Variants in FOXN4 observed in about 807,000 individuals in gnomAD.
The protein encoded by FOXN4 is forkhead box protein N4.
In FOXN4, 12 loss-of-function variants were observed where a neutral mutation model predicts 45.0. The ratio of observed to expected loss-of-function variants is 0.27; its 90% CI spans 0.17 to 0.43. The LOEUF (loss-of-function observed/expected upper bound fraction) is 0.43, where lower values mean the gene tolerates loss of function less well. Ranked by LOEUF, FOXN4 falls within the 20% of genes least tolerant of loss-of-function variation. The pLI, the probability that FOXN4 is intolerant of heterozygous loss-of-function variation, is 1.00. For missense variants in FOXN4, 560 were observed against 694.9 expected (o/e 0.81, Z 2.18); for synonymous variants, 297 against 295.0 (o/e 1.01, Z -0.07).
intron 8 of FOXN4, 121 bp from the exon 9 acceptor site, chr12:109,281,920 C>G: frequency 8.5e-7 from 1 of 1,180,894 alleles, no homozygotes; most frequent in Non-Finnish European, 1.2e-6. Flanking sequence ...CTTGGACACT[C>G]AGAACCTCTG....
chr12:109,281,328 T>C, intron 9 of FOXN4, 79 bp downstream of exon 9: 1 of 1,536,262 alleles, frequency 6.5e-7, no homozygotes, highest in Non-Finnish European at 8.9e-7. Flanking sequence ...GGCAGTACAG[T>C]CCTCTCCCTC....
At chr12:109,281,836 C>T (rs1470562839) in intron 8 of FOXN4, 37 bp from the exon 9 acceptor site, 1 of 1,518,162 alleles carries the variant, frequency 6.6e-7, no homozygotes, top group East Asian at 2.3e-5. Context: ...AGAACCCACC[C>T]AGCAGTTACC....
chr12:109,304,288 AAAGAAAG>A lies in FOXN4; in HGVS notation c.86+3941_86+3947del, dbSNP rs1489538889. 5.5e-4 allele frequency among the ~76,000 whole-genome samples: 28 copies of A among 50,718 alleles called. 2 individuals carry two copies. Among genetic ancestry groups the A allele is most frequent in the Admixed American group, 1.9e-3 (8 of 4,260 alleles). 33.3% of individuals were successfully genotyped at this position (50,718 alleles called of 152,430 possible). ...GAAAGAAAGAAAGAAAGAAAGAAAGAAAGAAAGGAGAAAGAAAGAAGGAAAGAAGGAA... is the reference window on the plus strand; with the variant it reads ...GAAAGAAAGAAAGAAAGAAAGAAAGAGAGAAAGAAAGAAGGAAAGAAGGAA... On this transcript the variant is annotated intron_variant, in intron 2 of 9. Transcript: ENST00000299162.
intron 2 of FOXN4, among the ~76,000 whole-genome samples, chr12:109,304,027 C>G (rs1011847068): frequency 1.3e-5 from 2 of 151,406 alleles, no homozygotes; most frequent in African/African-American, 2.4e-5. Context: ...CCCATCTCTA[C>G]TAAAAATACA....
At chr12:109,284,416 G>A (rs562659368) in intron 8 of FOXN4, among the ~76,000 whole-genome samples, 1 of 152,336 alleles carries the variant, frequency 6.6e-6, no homozygotes, top group South Asian at 2.1e-4. Flanking sequence ...TGGGCTGGGA[G>A]GAGGGGCGCG....
At chr12:109,281,916 C>T (rs2047657135) in intron 8 of FOXN4, 117 bp from the exon 9 acceptor site, 1 of 1,201,658 alleles carries the variant, frequency 8.3e-7, no homozygotes. Flanking sequence ...GCCTCTTGGA[C>T]ACTCAGAACC....
At chr12:109,295,809 C>T (rs1007252344) in intron 2 of FOXN4, among the ~76,000 whole-genome samples, 5 of 152,072 alleles carry the variant, frequency 3.3e-5, no homozygotes, top group African/African-American at 1.2e-4. Context: ...AGACCCAACT[C>T]CTTCCACCCG....
intron 2 of FOXN4, among the ~76,000 whole-genome samples, chr12:109,305,602 C>T (rs931028528): frequency 6.6e-6 from 1 of 151,994 alleles, no homozygotes; most frequent in Non-Finnish European, 1.5e-5. Context: ...CGGTTGCTCT[C>T]GCCTGTAATC....
At position 109,290,370 on chromosome 12, in the gene FOXN4, G is replaced by A. The variant is rs11066130; in HGVS notation, c.87-84C>T. The stretch of plus-strand genomic sequence containing the variant: ...TGCGTCCCGACCTCTGGAAGCACCC[G>A]CTTAATGTGCCTCATCTCCCCAAGC... On this transcript the variant is annotated intron_variant, in intron 2 of 9. Transcript: ENST00000299162. The surrounding 1 kb of genome is among the most constrained non-coding windows in gnomAD (Gnocchi z 5.1). 0.061 allele frequency: 86,315 copies of A among 1,424,470 alleles called. 3,028 individuals are homozygous for A. Among genetic ancestry groups the A allele is most frequent in the African/African-American group, 0.15 (10,127 of 69,100 alleles). 88.2% of individuals were successfully genotyped at this position (1,424,470 alleles called of 1,614,324 possible). A position where few individuals can be genotyped will look rare whatever the true frequency, so the allele number is the denominator to read the frequency against.
At chr12:109,293,966 C>T (rs2047793403) in intron 2 of FOXN4, among the ~76,000 whole-genome samples, 1 of 152,146 alleles carries the variant, frequency 6.6e-6, no homozygotes. Flanking sequence ...CTGAGGCCAG[C>T]CCAGTAAAAG....
chr12:109,304,982 C>T (rs776493927), intron 2 of FOXN4, among the ~76,000 whole-genome samples: 2 of 152,198 alleles, frequency 1.3e-5, no homozygotes, highest in Non-Finnish European at 2.9e-5. Flanking sequence ...GGCTCCATTT[C>T]ACTGATGAAG....
Position 109,281,666 on chromosome 12 carries a change from C to A in FOXN4, c.1035G>T (p.Gln345His). ...AVAHGCLAVS[Q>H]LPPQPLMTLS... is the part of the protein sequence containing the mutation. ...GGGTCATCAGTGGCTGGGGTGGGAG[C>A]TGGGAGACAGCCAGGCAGCCATGCG... The change falls in exon 9 of 10, where the codon CAG (glutamine) becomes CAT (histidine). Residue 345 changes from glutamine (Q) to histidine (H), a missense_variant. Physicochemically the swap from Gln to His is conservative, Grantham distance 24 (BLOSUM62 0). Around this residue, in one of 5 missense-constraint regions of FOXN4, gnomAD observed 315 missense variants for 350.5 expected, o/e 0.90. Coordinates refer to ENST00000299162, the MANE Select transcript of FOXN4 (RefSeq NM_213596.3). 6.2e-7 allele frequency: 1 copy of A among 1,609,818 alleles called. No individual in the cohort carries two copies. Among genetic ancestry groups the A allele is most frequent in the South Asian group, 1.1e-5 (1 of 90,538 alleles).
At chr12:109,298,126 G>T (rs1041817535) in intron 2 of FOXN4, among the ~76,000 whole-genome samples, 7 of 152,070 alleles carry the variant, frequency 4.6e-5, no homozygotes, top group African/African-American at 1.7e-4. Context: ...CATTGTAAAA[G>T]GAGTCCCCCA....
intron 2 of FOXN4, among the ~76,000 whole-genome samples, chr12:109,304,219 A>AAGAG (rs1260789438): frequency 1.8e-4 from 22 of 123,056 alleles, no homozygotes; most frequent in African/African-American, 4.5e-4. Context: ...AAAGAAAAGA[A>AAGAG]AGAGAAAGAA....
intron 9 of FOXN4, among the ~76,000 whole-genome samples, chr12:109,280,308 G>A (rs919647775): frequency 6.4e-5 from 9 of 140,020 alleles, no homozygotes; most frequent in South Asian, 2.2e-4. Flanking sequence ...GTGCCACTGC[G>A]CTACAGCCTG....
chr12:109,285,156 G>A lies in FOXN4; in HGVS notation c.901+148C>T, dbSNP rs376552279. 211 of 925,380 alleles carry A rather than the reference G, an allele frequency of 2.3e-4. 1 individual carries two copies. The East Asian group carries it at 4.0e-3, about 18-fold the overall frequency. 57.3% of individuals were successfully genotyped at this position (925,380 alleles called of 1,614,324 possible). Reference sequence around the variant, plus strand: ...CGTGTGCGTGTATTTGTGTGTGTGCGCATATTTGTGTGTGTGCGCGTGCGT... The same window carrying A: ...CGTGTGCGTGTATTTGTGTGTGTGCACATATTTGTGTGTGTGCGCGTGCGT... On this transcript the variant is annotated intron_variant, in intron 8 of 9. Coordinates refer to ENST00000299162, the MANE Select transcript of FOXN4 (RefSeq NM_213596.3).
chr12:109,304,266 A>G (rs2047896351), intron 2 of FOXN4, among the ~76,000 whole-genome samples: 1 of 106,790 alleles, frequency 9.4e-6, no homozygotes, highest in African/African-American at 4.3e-5. Context: ...AAAGAAAGAA[A>G]GAAAGAAAGA....
At chr12:109,282,188 T>C (rs1386257358) in intron 8 of FOXN4, among the ~76,000 whole-genome samples, 1 of 152,208 alleles carries the variant, frequency 6.6e-6, no homozygotes, top group African/African-American at 2.4e-5. Flanking sequence ...GCTGGGCTCA[T>C]GCAATCCCAG....
chr12:109,305,300 G>A (rs1481953778), intron 2 of FOXN4, among the ~76,000 whole-genome samples: 4 of 152,166 alleles, frequency 2.6e-5, no homozygotes, highest in South Asian at 2.1e-4. Flanking sequence ...GGGATTTGAC[G>A]GGGATTTATG....
Sources: gnomAD v4.1 joint callset for allele counts (sites outside exome capture counted in the v4.1 genomes callset) on GRCh38, gnomAD v4.1.1 for gene constraint, gnomAD v4.1.1 regional missense constraint, Gnocchi (gnomAD v3.1) non-coding constraint, MANE v1.5 for transcripts, NCBI Gene and HGNC (gene_info 2026-07-23, HGNC 2026-07-21) for gene names.